The following ABHD11 variants were observed in gnomAD, a reference collection of about 807,000 sequenced individuals.
The protein encoded by ABHD11 is sn-1-specific diacylglycerol lipase ABHD11.
Under a neutral mutation model 29.0 loss-of-function variants are expected in ABHD11, and 26 were observed. That is an observed-to-expected ratio of 0.90 (90% CI 0.66 to 1.24). ABHD11 has a LOEUF of 1.24. ABHD11 is among the 50% of genes most tolerant of loss of function. The pLI is 0.00. For synonymous variants in ABHD11, 169 were observed against 166.4 expected (o/e 1.02, Z -0.12); for missense variants, 381 against 422.4 (o/e 0.90, Z 0.86).
intron 2 of ABHD11, 68 bp downstream of exon 2, chr7:73,738,260 C>T: frequency 7.4e-7 from 1 of 1,354,690 alleles, no homozygotes; most frequent in Non-Finnish European, 1.0e-6. Flanking sequence ...CCCCCCTGCC[C>T]CGCCTCCTCT....
At chr7:73,738,011 T>G (rs1800098180) in intron 2 of ABHD11, 2 of 747,600 alleles carry the variant, frequency 2.7e-6, no homozygotes, top group African/African-American at 3.5e-5. Flanking sequence ...CTCCAGGAAT[T>G]TCCAACAGTA....
intron 5 of ABHD11, 103 bp downstream of exon 5, chr7:73,736,826 C>G (rs1452433070): frequency 4.5e-6 from 7 of 1,571,430 alleles, no homozygotes; most frequent in Non-Finnish European, 6.0e-6. Context: ...TTTCTGGCCT[C>G]TCAGCCACCC....
At chr7:73,738,288 C>A in intron 2 of ABHD11, 40 bp downstream of exon 2, 1 of 1,561,270 alleles carries the variant, frequency 6.4e-7, no homozygotes, top group Non-Finnish European at 8.7e-7. Flanking sequence ...CGCCCACTCC[C>A]GCCCAGCCCC....
Position 73,737,676 on chromosome 7 carries a change from G to A in ABHD11, c.321C>T (p.Tyr107=), listed in dbSNP as rs1320306069. ...CCTGCAGGTCCTGGCTCATGATCTC[G>A]TAGCTCATGTCTGGGCTGTGGGGGC... ...GDSPHSPDMS[Y]EIMSQDLQDL... Residue 107 remains tyrosine, a synonymous_variant, in exon 3 of 6, where the codon TAC becomes TAT. Coordinates refer to ENST00000222800, the MANE Select transcript of ABHD11 (RefSeq NM_148912.4). The A allele has an allele frequency of 3.1e-6, 5 of 1,614,000 alleles. No homozygotes were observed. The highest frequency in any genetic ancestry group is 1.6e-4 in the Middle Eastern group (1 of 6,082).
rs1045175450 is a variant in ABHD11 at position 73,738,045 on chromosome 7, A to G, written c.261+283T>C. ...TAGGAGCACAGAAGAATGGGCTGCC[A>G]TAAGAGGTGGTGAGCTCCCGGTCAT... On this transcript the variant is annotated intron_variant, in intron 2 of 5. Coordinates refer to ENST00000222800, the MANE Select transcript of ABHD11 (RefSeq NM_148912.4). The G allele has an allele frequency of 9.4e-6, 7 of 741,918 alleles. No homozygotes were observed. The East Asian group carries it at 1.1e-4, about 12-fold the overall frequency. The allele number at this position is 741,918 out of a possible 1,614,324, so 46.0% of individuals were successfully genotyped here. A position where few individuals can be genotyped will look rare whatever the true frequency, so the allele number is the denominator to read the frequency against.
chr7:73,737,717 G>C lies in ABHD11; in HGVS notation c.280C>G (p.Arg94Gly). ...CTGTGGGGGCTGTCACCGTGGTTACGAGCATCCACCGTCAGCACCTGGGGA... is the reference window on the plus strand; with the variant it reads ...CTGTGGGGGCTGTCACCGTGGTTACCAGCATCCACCGTCAGCACCTGGGGA... ...TGRRVLTVDA[R>G]NHGDSPHSPD... is the part of the protein sequence containing the mutation. The change falls in exon 3 of 6, where the codon CGT (arginine) becomes GGT (glycine). Residue 94 changes from arginine (R) to glycine (G), a missense_variant. By Grantham distance (125) the Arg-to-Gly change is moderately radical (BLOSUM62 -2). Coordinates refer to ENST00000222800, the MANE Select transcript of ABHD11 (RefSeq NM_148912.4). 5.6e-6 allele frequency: 9 copies of C among 1,612,208 alleles called. No homozygotes were observed. The highest frequency in any genetic ancestry group is 1.3e-5 in the African/African-American group (1 of 75,006).
rs146278884 is a variant in ABHD11 at position 73,736,397 on chromosome 7, G to A, written c.*162C>T. 37,033 of 899,220 alleles carry A rather than the reference G, an allele frequency of 0.041. 938 individuals are homozygous for A. The highest frequency in any genetic ancestry group is 0.048 in the Non-Finnish European group (29,126 of 608,976). The allele number at this position is 899,220 out of a possible 1,614,324, so 55.7% of individuals were successfully genotyped here. ...TGGGATTACAGGTGTGCACCACCACGCCAGGCTAATTTTTGTATTTTTAGT... is the reference window on the plus strand; with the variant it reads ...TGGGATTACAGGTGTGCACCACCACACCAGGCTAATTTTTGTATTTTTAGT... On this transcript the variant is annotated 3_prime_UTR_variant, in exon 6 of 6. Coordinates refer to ENST00000222800, the MANE Select transcript of ABHD11 (RefSeq NM_148912.4).
At position 73,736,364 on chromosome 7, in the gene ABHD11, A is replaced by T. The variant is rs1136954; in HGVS notation, c.*195T>A. The T allele has an allele frequency of 4.3e-5, 28 of 652,844 alleles. No individual in the cohort carries two copies. The highest frequency in any genetic ancestry group is 3.7e-4 in the African/African-American group (20 of 54,672). 40.4% of individuals were successfully genotyped at this position (652,844 alleles called of 1,614,324 possible). ...AAGTGATTCTCCTGCCTCAGCCTCC[A>T]GAGTAGCTGGGATTACAGGTGTGCA... On this transcript the variant is annotated 3_prime_UTR_variant, in exon 6 of 6. Coordinates refer to ENST00000222800, the MANE Select transcript of ABHD11 (RefSeq NM_148912.4).
rs994674858 is a variant in ABHD11, at chr7:73,737,114, T to G, written c.607-4A>C. On this transcript the variant is annotated splice_region_variant and splice_polypyrimidine_tract_variant and intron_variant, in intron 4 of 5. Transcript: ENST00000222800. ...GGTGCTGCCGCACGGCCATGTCCTG[T>G]GGGGGTGCAGCAGTTGGGGGAGGTT... 3.1e-6 allele frequency: 5 copies of G among 1,613,610 alleles called. No homozygotes were observed. In the African/African-American group the frequency reaches 6.7e-5, roughly 22 times the overall value.
In ABHD11 at chr7:73,738,663, TC is replaced by T. The variant is rs1554622993; in HGVS notation, c.107del (p.Arg36GlnfsTer54). The T allele has an allele frequency of 6.3e-7, 1 of 1,594,276 alleles. No homozygotes were observed. Among genetic ancestry groups the T allele is most frequent in the South Asian group, 1.1e-5 (1 of 88,722 alleles). On this transcript the variant is annotated frameshift_variant, in exon 1 of 6. Transcript: ENST00000222800. LOFTEE classifies it high-confidence loss of function. ...TGACTGACCTCGGCTCGGCGCCCCC[TC>T]GGCCGCCGCTGCTGCTGCTGGGTGC... is the stretch of plus-strand genomic sequence containing the variant. ...PVAPSSSSGG[R>X]GGAEPRPLPL...
chr7:73,738,219 G>C, intron 2 of ABHD11, 109 bp downstream of exon 2: 1 of 1,462,380 alleles, frequency 6.8e-7, no homozygotes, highest in Non-Finnish European at 9.3e-7. Context: ...CTCAGAGTGA[G>C]GGATCTGGAA....
Position 73,737,283 on chromosome 7 carries a change from C to T in ABHD11, c.544G>A (p.Asp182Asn), listed in dbSNP as rs782589550. 1 of 1,614,166 alleles carries T rather than the reference C, an allele frequency of 6.2e-7. No homozygotes were observed. Among genetic ancestry groups the T allele is most frequent in the Non-Finnish European group, 8.5e-7 (1 of 1,180,044 alleles). Residue 182 changes from aspartate to asparagine, a missense_variant, in exon 4 of 6, where the codon GAT becomes AAT. By Grantham distance (23) the Asp-to-Asn change is conservative. Coordinates refer to ENST00000222800, the MANE Select transcript of ABHD11 (RefSeq NM_148912.4). Reference sequence around the variant, plus strand: ...CGGGCACGGGAGCGGGGCAGCTCATCTGCGATGTTGATGGCCCTCATGGCT... The same window carrying T: ...CGGGCACGGGAGCGGGGCAGCTCATTTGCGATGTTGATGGCCCTCATGGCT... ...VAAMRAINIA[D>N]ELPRSRARKL... is the part of the protein sequence containing the mutation.
chr7:73,738,089 C>A (rs1800114252), intron 2 of ABHD11: 3 of 794,224 alleles, frequency 3.8e-6, no homozygotes, highest in Non-Finnish European at 4.4e-6. Flanking sequence ...AACAAGCAGG[C>A]CCCTTCATGG....
Position 73,736,695 on chromosome 7 carries a change from T to C in ABHD11, c.789-4A>G, listed in dbSNP as rs782702922. On this transcript the variant is annotated splice_polypyrimidine_tract_variant and splice_region_variant and intron_variant, in intron 5 of 5. Transcript: ENST00000222800. ...AATCTCAGGGTGGTGGCTGGGACTG[T>C]GCATCGCAGCGACGGCCATCAAAAA... 1 of 1,613,450 alleles carries C rather than the reference T, an allele frequency of 6.2e-7. No homozygotes were observed.
chr7:73,737,178 G>A lies in ABHD11; in HGVS notation c.606+43C>T, dbSNP rs782524316. The A allele has an allele frequency of 9.3e-6, 15 of 1,613,656 alleles. No homozygotes were observed. The South Asian group carries it at 1.5e-4, about 17-fold the overall frequency. On this transcript the variant is annotated intron_variant, in intron 4 of 5. Transcript: ENST00000222800. ...GGGGGTGCCACTCTTCCCTTGACAG[G>A]TCCTGGTCTACAATACCATCCGGGG... is the stretch of plus-strand genomic sequence containing the variant.
Position 73,737,711 on chromosome 7 carries a change from G to C in ABHD11, c.286C>G (p.His96Asp), listed in dbSNP as rs61732632. ...RRVLTVDARN[H>D]GDSPHSPDMS... Reference sequence around the variant, plus strand: ...TCTGGGCTGTGGGGGCTGTCACCGTGGTTACGAGCATCCACCGTCAGCACC... The same window carrying C: ...TCTGGGCTGTGGGGGCTGTCACCGTCGTTACGAGCATCCACCGTCAGCACC... Residue 96 changes from histidine to aspartate, a missense_variant, in exon 3 of 6, where the codon CAC becomes GAC. His to Asp is a moderately conservative substitution (Grantham distance 81). Transcript: ENST00000222800. The C allele has an allele frequency of 2.4e-4, 394 of 1,612,728 alleles. No homozygotes were observed. The highest frequency in any genetic ancestry group is 3.3e-4 in the Non-Finnish European group (385 of 1,179,474).
chr7:73,738,387 C>T lies in ABHD11; in HGVS notation c.202G>A (p.Gly68Ser), dbSNP rs1800176594. The change falls in exon 2 of 6, where the codon GGC becomes AGC. Residue 68 changes from glycine to serine, a missense_variant. Gly to Ser is a moderately conservative substitution (Grantham distance 56). Transcript: ENST00000222800. ...ATGGAGTTGAAGTTAGTTTTGCTGC[C>T]GAAGAGCCCGTGCAAAAAGACGACG... ...PAVVFLHGLF[G>S]SKTNFNSIAK... 1 of 1,613,328 alleles carries T rather than the reference C, an allele frequency of 6.2e-7. No individual in the cohort carries two copies. The highest frequency in any genetic ancestry group is 8.5e-7 in the Non-Finnish European group (1 of 1,179,726).
intron 2 of ABHD11, 197 bp downstream of exon 2, chr7:73,738,131 C>T: frequency 9.7e-7 from 1 of 1,032,306 alleles, no homozygotes; most frequent in Non-Finnish European, 1.5e-6. Flanking sequence ...ATGGGCCAGC[C>T]CCGATGGAGA....
intron 2 of ABHD11, chr7:73,737,938 T>G: frequency 1.1e-6 from 1 of 888,866 alleles, no homozygotes; most frequent in African/African-American, 1.7e-5. Flanking sequence ...CCCAGGGTTG[T>G]GACCACGTCT....
Sources: allele counts gnomAD v4.1 joint callset, GRCh38; gene constraint gnomAD v4.1.1; transcripts MANE v1.5; gene names NCBI Gene and HGNC (gene_info 2026-07-23, HGNC 2026-07-21).